Variants in GTPBP1 observed in about 807,000 individuals in gnomAD.
The protein encoded by GTPBP1 is GTP-binding protein 1.
A neutral mutation model predicts 62.0 loss-of-function variants in GTPBP1; 23 were observed. The observed-to-expected ratio is 0.37, with a 90% CI of 0.27 to 0.53. GTPBP1 has a LOEUF of 0.53. Ranked by LOEUF, GTPBP1 falls within the 20% of genes least tolerant of loss-of-function variation. The pLI, the probability that GTPBP1 is intolerant of heterozygous loss-of-function variation, is 0.89. For synonymous variants in GTPBP1, 344 were observed against 364.4 expected, an observed-to-expected ratio of 0.94 and a Z score of 0.64; for missense variants, 640 against 917.3, an observed-to-expected ratio of 0.70 and a Z score of 3.90.
At chr22:38,741,413 A>G, downstream of GTPBP1, 2 of 1,426,024 alleles carry the variant, frequency 1.4e-6, no homozygotes, top group Middle Eastern at 2.0e-4. Context: ...GTCCCTTTGG[A>G]AGGGCCGAGG....
chr22:38,734,354 C>T (rs2092782796), downstream of GTPBP1: 1 of 446,056 alleles, frequency 2.2e-6, no homozygotes, highest in Non-Finnish European at 4.6e-6. Context: ...TAGCGAATTC[C>T]CATGGAGGAG....
downstream of GTPBP1, chr22:38,736,026 C>T: frequency 1.8e-6 from 1 of 549,820 alleles, no homozygotes; most frequent in Non-Finnish European, 3.4e-6. Flanking sequence ...TACACACTCC[C>T]AGGATGGGAA....
In GTPBP1 at chr22:38,730,457, A is replaced by C. The variant is rs144645560; in HGVS notation, c.1918-155A>C. 6.6e-6 allele frequency among the ~76,000 whole-genome samples: 1 copy of C among 152,204 alleles called. No homozygotes were observed. The highest frequency in any genetic ancestry group is 2.1e-4 in the South Asian group (1 of 4,830). ...GAGACAGAGGGGAGGTGCTGCATGC[A>C]GAGTGACCCAGTAAATTCCTGGTCA... On this transcript the variant is annotated intron_variant, in intron 11 of 11. Coordinates refer to ENST00000216044, the MANE Select transcript of GTPBP1 (RefSeq NM_004286.5). This position sits in a 1 kb window ranked among gnomAD's most constrained non-coding sequence, Gnocchi z 5.6.
At position 38,717,225 on chromosome 22, in the gene GTPBP1, G is replaced by C. The variant is rs368555689; in HGVS notation, c.834+225G>C. On this transcript the variant is annotated intron_variant, in intron 4 of 11. Transcript: ENST00000216044. ...ATTAGACTAGGGAAGGTATCCTCTT[G>C]GTAAAAACCAGGTACCCTTGAAGAC... Among the ~76,000 whole-genome samples, 3 of 152,156 alleles carry C rather than the reference G, an allele frequency of 2.0e-5. No homozygotes were observed. In the East Asian group the frequency reaches 5.8e-4, roughly 29 times the overall value.
chr22:38,737,825 G>T, downstream of GTPBP1: 2 of 492,682 alleles, frequency 4.1e-6, no homozygotes, highest in Non-Finnish European at 8.0e-6. This position sits in a 1 kb window ranked among gnomAD's most constrained non-coding sequence, Gnocchi z 4.1. Flanking sequence ...GCTCCAGCTG[G>T]CCATGGTAGA....
At chr22:38,721,696 A>G (rs2037694445) in intron 4 of GTPBP1, 46 bp from the exon 5 acceptor site, 2 of 1,570,322 alleles carry the variant, frequency 1.3e-6, no homozygotes, top group Non-Finnish European at 1.7e-6. Context: ...CCCAGCAGCA[A>G]TCTCTTTCTC....
chr22:38,731,176 C>T lies in GTPBP1; in HGVS notation c.*472C>T, dbSNP rs905706257. The T allele has an allele frequency of 2.6e-5, 4 of 154,738 alleles. No homozygotes were observed. The highest frequency in any genetic ancestry group is 9.7e-5 in the African/African-American group (4 of 41,418). 9.6% of individuals were successfully genotyped at this position (154,738 alleles called of 1,614,324 possible). ...GATGTCAGGAGGGGAAGGAGCCGCC[C>T]TCCCTATCTTGCTGCTCCTCTTGGC... On this transcript the variant is annotated 3_prime_UTR_variant, in exon 12 of 12. Coordinates refer to ENST00000216044, the MANE Select transcript of GTPBP1 (RefSeq NM_004286.5).
intron 6 of GTPBP1, 93 bp from the exon 7 acceptor site, chr22:38,725,913 G>A (rs957458049): frequency 2.5e-5 from 29 of 1,182,876 alleles, no homozygotes; most frequent in Admixed American, 8.8e-5. Flanking sequence ...TCTGCTCCTC[G>A]AGCCCTGTTG....
downstream of GTPBP1, chr22:38,735,441 T>G (rs935558353): frequency 9.2e-6 from 3 of 326,170 alleles, no homozygotes; most frequent in Non-Finnish European, 1.2e-5. Context: ...CAAAGACAGG[T>G]CTAGGTCTCC....
intron 1 of GTPBP1, among the ~76,000 whole-genome samples, chr22:38,707,116 T>C (rs1163492307): frequency 6.6e-6 from 1 of 152,174 alleles, no homozygotes; most frequent in Non-Finnish European, 1.5e-5. Flanking sequence ...TAGAAATATT[T>C]AAGAAGACAC....
chr22:38,709,387 G>A (rs954151498), intron 2 of GTPBP1, among the ~76,000 whole-genome samples: 1 of 152,170 alleles, frequency 6.6e-6, no homozygotes, highest in Non-Finnish European at 1.5e-5. Context: ...AGTGTCTGCA[G>A]AACTGTTTGG....
At position 38,716,519 on chromosome 22, in the gene GTPBP1, AAGGAG is replaced by A; in HGVS notation, c.486-132_486-128del. The A allele has an allele frequency of 7.5e-6, 5 of 667,104 alleles. No individual in the cohort carries two copies. Among genetic ancestry groups the A allele is most frequent in the Non-Finnish European group, 1.3e-5 (5 of 382,864 alleles). The allele number at this position is 667,104 out of a possible 1,614,324, so 41.3% of individuals were successfully genotyped here. ...CCTTCCCACTGTGCTCCTCCGGCTC[AAGGAG>A]GAGCTGTGAGCCGGAGGGGATCGGG... On this transcript the variant is annotated intron_variant, in intron 3 of 11. Transcript: ENST00000216044. This position sits in a 1 kb window ranked among gnomAD's most constrained non-coding sequence, Gnocchi z 5.2.
chr22:38,727,917 T>G lies in GTPBP1; in HGVS notation c.1538-66T>G, dbSNP rs2092735440. On this transcript the variant is annotated intron_variant, in intron 9 of 11. Transcript: ENST00000216044. This position sits in a 1 kb window ranked among gnomAD's most constrained non-coding sequence, Gnocchi z 6.5. ...AAGCGTATTTCATGCTTTCACTCAC[T>G]GCCTCCCGTTGTCCTGAAGCCACCA... 3 of 1,099,484 alleles carry G rather than the reference T, an allele frequency of 2.7e-6. No individual in the cohort carries two copies. The highest frequency in any genetic ancestry group is 1.5e-5 in the African/African-American group (1 of 65,156). 68.1% of individuals were successfully genotyped at this position (1,099,484 alleles called of 1,614,324 possible). A position where few individuals can be genotyped will look rare whatever the true frequency, so the allele number is the denominator to read the frequency against.
Position 38,729,598 on chromosome 22 carries a change from C to A in GTPBP1, c.1853C>A (p.Pro618His). ...GGGCCAGCAGTAGGAGCACCCCCAC[C>A]TGGAGATGAAGCCTCCTCTGTAGGG... The part of the protein sequence containing the change: ...SGGPAVGAPP[P>H]GDEASSVGAG... Residue 618 changes from proline to histidine, a missense_variant, in exon 11 of 12, where the codon CCT becomes CAT. Pro to His is a moderately conservative substitution (Grantham distance 77). This residue lies in a region of GTPBP1 where 117 missense variants were observed against 107.1 expected (regional missense o/e 1.09). Coordinates refer to ENST00000216044, the MANE Select transcript of GTPBP1 (RefSeq NM_004286.5). 1 of 1,567,678 alleles carries A rather than the reference C, an allele frequency of 6.4e-7. No individual in the cohort carries two copies. Among genetic ancestry groups the A allele is most frequent in the Non-Finnish European group, 8.6e-7 (1 of 1,158,902 alleles).
At chr22:38,734,312 G>A (rs1347355231), downstream of GTPBP1, 1 of 466,772 alleles carries the variant, frequency 2.1e-6, no homozygotes, top group African/African-American at 2.0e-5. Context: ...CTACCTCCTT[G>A]TCCCTTCCCA....
intron 5 of GTPBP1, 63 bp downstream of exon 5, chr22:38,721,928 A>G: frequency 1.5e-6 from 2 of 1,326,326 alleles, no homozygotes; most frequent in East Asian, 5.1e-5. Context: ...CTGTGCCTTC[A>G]GGTGGTCTGC....
In GTPBP1 at chr22:38,729,545, G is replaced by T. The variant is rs761009738; in HGVS notation, c.1800G>T (p.Thr600=). ...AGTCGACGAAAAAGGGCCCCCTGAC[G>T]AAACGAGACGAGGGGGGCCCGTCTG... ...KMQSTKKGPL[T]KRDEGGPSGG... The change falls in exon 11 of 12, where the codon ACG becomes ACT. Residue 600 remains threonine (T), a synonymous_variant. Transcript: ENST00000216044. 4 of 1,607,434 alleles carry T rather than the reference G, an allele frequency of 2.5e-6. No homozygotes were observed. Among genetic ancestry groups the T allele is most frequent in the Non-Finnish European group, 2.5e-6 (3 of 1,177,050 alleles).
At chr22:38,738,444 G>T, downstream of GTPBP1, 2 of 1,213,234 alleles carry the variant, frequency 1.6e-6, no homozygotes, top group Non-Finnish European at 2.3e-6. The surrounding 1 kb of genome is among the most constrained non-coding windows in gnomAD (Gnocchi z 6.6). Context: ...GGACTGAAGT[G>T]CTGTCTCCCA....
downstream of GTPBP1, chr22:38,742,998 T>G (rs1025311787): frequency 1.4e-4 from 23 of 160,028 alleles, no homozygotes; most frequent in African/African-American, 5.0e-4. Context: ...TCTCAATGGC[T>G]TTCACTCCTT....
Sources: gnomAD v4.1 joint callset for allele counts (sites outside exome capture counted in the v4.1 genomes callset) on GRCh38, gnomAD v4.1.1 for gene constraint, gnomAD v4.1.1 regional missense constraint, Gnocchi (gnomAD v3.1) non-coding constraint, MANE v1.5 for transcripts, NCBI Gene and HGNC (gene_info 2026-07-23, HGNC 2026-07-21) for gene names.